Variants in AASDHPPT observed in about 807,000 individuals in gnomAD.
AASDHPPT encodes the protein L-aminoadipate-semialdehyde dehydrogenase-phosphopantetheinyl transferase.
Under a neutral mutation model 36.4 loss-of-function variants are expected in AASDHPPT, and 23 were observed. The ratio of observed to expected loss-of-function variants is 0.63; its 90% CI spans 0.45 to 0.89. The LOEUF (loss-of-function observed/expected upper bound fraction) is 0.89. Ranked by LOEUF, AASDHPPT falls within the 40% of genes least tolerant of loss-of-function variation. AASDHPPT has a pLI of 0.00. For missense variants in AASDHPPT, 377 were observed against 378.2 expected (o/e 1.00, Z 0.03); for synonymous variants, 115 against 128.0 (o/e 0.90, Z 0.68).
intron 5 of AASDHPPT, 45 bp from the exon 6 acceptor site, chr11:106,096,698 T>G (rs1243391927): frequency 7.7e-6 from 11 of 1,436,952 alleles, no homozygotes; most frequent in Non-Finnish European, 1.0e-5. Flanking sequence ...GATCATAAGA[T>G]TAACATGCAA....
At chr11:106,087,398 T>A (rs1861207799) in intron 2 of AASDHPPT, among the ~76,000 whole-genome samples, 1 of 152,102 alleles carries the variant, frequency 6.6e-6, no homozygotes, top group Admixed American at 6.5e-5. Context: ...TTATATACAG[T>A]TTAGTACTTA....
chr11:106,078,140 C>G (rs551701008), intron 1 of AASDHPPT, among the ~76,000 whole-genome samples: 4 of 152,310 alleles, frequency 2.6e-5, no homozygotes, highest in South Asian at 4.1e-4. Flanking sequence ...CTTGTTATTT[C>G]AAATGGAGAC....
chr11:106,079,506 T>C lies in AASDHPPT; in HGVS notation c.223T>C (p.Leu75=), dbSNP rs17851295. ...GATAAGGAAATTAGTTGCAGAGAAA[T>C]TGAATATCCCTTGGAATCATATTCG... ...LMIRKLVAEK[L]NIPWNHIRLQ... Residue 75 remains leucine (L), a synonymous_variant, in exon 2 of 6, where the codon TTG becomes CTG. Coordinates refer to ENST00000278618, the MANE Select transcript of AASDHPPT (RefSeq NM_015423.3). 1 of 1,613,684 alleles carries C rather than the reference T, an allele frequency of 6.2e-7. No individual in the cohort carries two copies. The highest frequency in any genetic ancestry group is 1.7e-5 in the Admixed American group (1 of 59,982).
At chr11:106,091,289 A>G (rs926834086) in intron 3 of AASDHPPT, 27 bp from the exon 4 acceptor site, 1 of 1,562,858 alleles carries the variant, frequency 6.4e-7, no homozygotes, top group Non-Finnish European at 8.6e-7. Flanking sequence ...ACCAAATTCT[A>G]AGAGAAAATG....
chr11:106,086,568 C>T (rs1861199798), intron 2 of AASDHPPT, among the ~76,000 whole-genome samples: 1 of 152,196 alleles, frequency 6.6e-6, no homozygotes, highest in Non-Finnish European at 1.5e-5. Context: ...TTATATCCAT[C>T]TAACATACAA....
chr11:106,094,758 T>C, intron 5 of AASDHPPT, 104 bp downstream of exon 5: 1 of 818,204 alleles, frequency 1.2e-6, no homozygotes, highest in African/African-American at 1.8e-5. Context: ...TTTAGAGAGA[T>C]TTTTTTAAGA....
chr11:106,082,242 T>C (rs773823072), intron 2 of AASDHPPT, among the ~76,000 whole-genome samples: 14 of 152,154 alleles, frequency 9.2e-5, no homozygotes, highest in Non-Finnish European at 1.9e-4. Context: ...TTGTCACTAG[T>C]GTTGTTACCA....
In AASDHPPT at chr11:106,091,371, A is replaced by T. The variant is rs945598306; in HGVS notation, c.587A>T (p.Gln196Leu). 1 of 1,608,998 alleles carries T rather than the reference A, an allele frequency of 6.2e-7. No individual in the cohort carries two copies. The highest frequency in any genetic ancestry group is 2.3e-5 in the East Asian group (1 of 44,378). The change falls in exon 4 of 6, where the codon CAG becomes CTG. Residue 196 changes from glutamine (Q) to leucine (L), a missense_variant. Gln to Leu is a moderately radical substitution (Grantham distance 113). Transcript: ENST00000278618. ...AIGVGLGFEL[Q>L]RLEFDLSPLN... The stretch of plus-strand genomic sequence containing the variant: ...GGTGTTGGACTAGGATTTGAATTGC[A>T]GCGGCTTGAATTTGATCTATCTCCA...
At chr11:106,088,718 A>T (rs1346512812) in intron 2 of AASDHPPT, among the ~76,000 whole-genome samples, 1 of 152,076 alleles carries the variant, frequency 6.6e-6, no homozygotes, top group African/African-American at 2.4e-5. Context: ...TGTTAGTCTC[A>T]GGAAGGTGTT....
chr11:106,094,748 T>C, intron 5 of AASDHPPT, 94 bp downstream of exon 5: 2 of 901,146 alleles, frequency 2.2e-6, no homozygotes, highest in East Asian at 2.8e-5. Flanking sequence ...CTTATATCAG[T>C]TTAGAGAGAT....
At chr11:106,089,582 G>C (rs1170457335) in intron 2 of AASDHPPT, 2 of 152,126 alleles carry the variant, frequency 1.3e-5, no homozygotes, top group Admixed American at 6.5e-5. Context: ...GGCAAGAACA[G>C]TGATCAATTT....
At chr11:106,091,498 G>T in intron 4 of AASDHPPT, 21 bp downstream of exon 4, 1 of 1,553,028 alleles carries the variant, frequency 6.4e-7, no homozygotes, top group Non-Finnish European at 8.6e-7. Flanking sequence ...TGTTAGAATT[G>T]TTAAAACTAA....
In AASDHPPT at chr11:106,077,818, A is replaced by C. The variant is rs779688940; in HGVS notation, c.108A>C (p.Ala36=). The part of the protein sequence containing the change: ...WLPSRAEWLL[A]VRSIQPEEKE... ...CGAGCCGAGCCGAATGGCTGCTGGC[A>C]GTGCGATCGATTCAGCCCGAGGAGA... Residue 36 remains alanine, a synonymous_variant, in exon 1 of 6, where the codon GCA becomes GCC. Coordinates refer to ENST00000278618, the MANE Select transcript of AASDHPPT (RefSeq NM_015423.3). 1.9e-6 allele frequency: 3 copies of C among 1,614,068 alleles called. No individual in the cohort carries two copies. The African/African-American group carries it at 4.0e-5, about 22-fold the overall frequency.
chr11:106,085,346 C>T (rs2135039315), intron 2 of AASDHPPT, among the ~76,000 whole-genome samples: 1 of 152,214 alleles, frequency 6.6e-6, no homozygotes, highest in African/African-American at 2.4e-5. Context: ...CGTGATCTAC[C>T]CGCCTCGGCC....
At chr11:106,089,994 G>T (rs10431054) in intron 2 of AASDHPPT, among the ~76,000 whole-genome samples, 21,789 of 149,736 alleles carry the variant, frequency 0.15, 2,080 homozygotes, top group East Asian at 0.41. Context: ...TTTGAAGAAG[G>T]TATTAATTTT....
intron 2 of AASDHPPT, among the ~76,000 whole-genome samples, chr11:106,081,179 GGTTGTGAATC>G (rs1861135402): frequency 6.6e-6 from 1 of 152,132 alleles, no homozygotes; most frequent in Non-Finnish European, 1.5e-5. Flanking sequence ...GCTTCAGTGT[GGTTGTGAATC>G]TCTTCTCCCT....
chr11:106,096,658 G>T, intron 5 of AASDHPPT, 85 bp from the exon 6 acceptor site: 2 of 1,076,928 alleles, frequency 1.9e-6, no homozygotes, highest in African/African-American at 1.6e-5. Flanking sequence ...AATGTAAGTT[G>T]GTCTTACTTA....
In AASDHPPT at chr11:106,079,656, C is replaced by CA; in HGVS notation, c.375dup (p.Val126SerfsTer4). ...AGTGCTTGCTGCTGAACCTGAGCTG[C>CA]AAGTTGGAATTGATATAATGAAGAC... is the stretch of plus-strand genomic sequence containing the variant. On this transcript the variant is annotated frameshift_variant, in exon 2 of 6. Coordinates refer to ENST00000278618, the MANE Select transcript of AASDHPPT (RefSeq NM_015423.3). LOFTEE classifies it high-confidence loss of function. 1.2e-6 allele frequency: 2 copies of CA among 1,614,092 alleles called. No individual in the cohort carries two copies. Among genetic ancestry groups the CA allele is most frequent in the Non-Finnish European group, 1.7e-6 (2 of 1,180,000 alleles).
Position 106,096,814 on chromosome 11 carries a change from A to G in AASDHPPT, c.837A>G (p.Ser279=). 1 of 1,611,808 alleles carries G rather than the reference A, an allele frequency of 6.2e-7. No homozygotes were observed. The highest frequency in any genetic ancestry group is 2.2e-5 in the East Asian group (1 of 44,726). The change falls in exon 6 of 6, where the codon TCA becomes TCG. Residue 279 remains serine (S), a synonymous_variant. Coordinates refer to ENST00000278618, the MANE Select transcript of AASDHPPT (RefSeq NM_015423.3). ...FTILNFNDLM[S]SAVPMTPEDP... ...TTCTCAACTTTAATGATTTAATGTC[A>G]TCTGCCGTTCCCATGACACCTGAAG... is the stretch of plus-strand genomic sequence containing the variant.
Sources: allele counts gnomAD v4.1 joint callset (sites outside exome capture counted in the v4.1 genomes callset), GRCh38; gene constraint gnomAD v4.1.1; transcripts MANE v1.5; gene names NCBI Gene and HGNC (gene_info 2026-07-23, HGNC 2026-07-21).